CNTN6: variants seen among roughly 807,000 people sequenced by gnomAD.
CNTN6 encodes the protein contactin 6.
A neutral mutation model predicts 122.8 loss-of-function variants in CNTN6; 137 were observed. The ratio of observed to expected loss-of-function variants is 1.12; its 90% CI spans 0.97 to 1.29. The LOEUF is 1.29. Among genes scored for constraint, CNTN6 ranks in the 50% most tolerant of loss-of-function variants. The probability of loss-of-function intolerance (pLI) is 0.00; values close to 1 mark genes in which losing one functional copy is unlikely to be tolerated. For synonymous variants in CNTN6, 570 were observed against 426.0 expected (o/e 1.34, Z -4.16); for missense variants, 1,634 against 1,223.4 (o/e 1.34, Z -5.01).
chr3:1,281,294 A>G (rs9815996), intron 5 of CNTN6, among the ~76,000 whole-genome samples: 1 of 152,044 alleles, frequency 6.6e-6, no homozygotes. Context: ...TCTCACAGAG[A>G]AACGTCCTAG....
intron 8 of CNTN6, 77 bp downstream of exon 8, chr3:1,321,911 T>C: frequency 7.7e-7 from 1 of 1,291,936 alleles, no homozygotes; most frequent in Non-Finnish European, 1.1e-6. Flanking sequence ...GTCATTAGCA[T>C]GTTGTGAAAA....
intron 1 of CNTN6, among the ~76,000 whole-genome samples, chr3:1,121,429 T>G (rs1390117189): frequency 6.6e-6 from 1 of 151,960 alleles, no homozygotes; most frequent in Non-Finnish European, 1.5e-5. Flanking sequence ...TTGAGTAGTT[T>G]GCCATATTAA....
intron 4 of CNTN6, among the ~76,000 whole-genome samples, chr3:1,244,351 G>A (rs1468259900): frequency 6.6e-6 from 1 of 151,632 alleles, no homozygotes; most frequent in Non-Finnish European, 1.5e-5. Context: ...ACTTGCCGCT[G>A]AGGGTGAAGG....
At chr3:1,146,535 C>T (rs530035538) in intron 1 of CNTN6, among the ~76,000 whole-genome samples, 2 of 151,900 alleles carry the variant, frequency 1.3e-5, no homozygotes, top group South Asian at 4.2e-4. Flanking sequence ...CTATAAATCT[C>T]ATACATATTA....
intron 2 of CNTN6, among the ~76,000 whole-genome samples, chr3:1,149,885 G>A (rs7647362): frequency 0.18 from 27,582 of 151,932 alleles, 3,151 homozygotes; most frequent in African/African-American, 0.32. Flanking sequence ...AAATTAAAAT[G>A]AATTATTAGT....
At chr3:1,258,486 T>C (rs1473009373) in intron 4 of CNTN6, among the ~76,000 whole-genome samples, 2 of 152,148 alleles carry the variant, frequency 1.3e-5, no homozygotes, top group Non-Finnish European at 2.9e-5. Context: ...GAAATCTTGC[T>C]TCATACGAGT....
At chr3:1,376,983 C>T (rs1426386490) in intron 16 of CNTN6, 22 bp from the exon 17 acceptor site, 1 of 1,542,938 alleles carries the variant, frequency 6.5e-7, no homozygotes, top group Admixed American at 1.9e-5. Flanking sequence ...TGCCATCCCA[C>T]ATTTCTCTTG....
At chr3:1,230,170 C>T (rs367888646) in intron 4 of CNTN6, among the ~76,000 whole-genome samples, 160 of 152,216 alleles carry the variant, frequency 1.1e-3, no homozygotes, top group African/African-American at 3.7e-3. Flanking sequence ...TAGAAAAGGC[C>T]TTTGGTAGGA....
At chr3:1,375,766 G>A (rs1709767927) in intron 16 of CNTN6, among the ~76,000 whole-genome samples, 1 of 151,992 alleles carries the variant, frequency 6.6e-6, no homozygotes, top group East Asian at 1.9e-4. Context: ...GAAGCTTAAA[G>A]CTGACAAAGT....
In CNTN6 at chr3:1,156,691, CCCTT is replaced by C. The variant is rs201497692; in HGVS notation, c.55+8646_55+8649del. Among the ~76,000 whole-genome samples, 45 of 56,626 alleles carry C rather than the reference CCCTT, an allele frequency of 7.9e-4. 1 individual carries two copies. The highest frequency in any genetic ancestry group is 0.018 in the Middle Eastern group (2 of 110). 37.1% of individuals were successfully genotyped at this position (56,626 alleles called of 152,430 possible). The stretch of plus-strand genomic sequence containing the variant: ...CCTTCCTTCCTTCCTTTCCCTCCCT[CCCTT>C]CCTTCCTTCCTTCCTTCTTCTTTCT... On this transcript the variant is annotated intron_variant, in intron 2 of 22. Transcript: ENST00000446702.
intron 20 of CNTN6, among the ~76,000 whole-genome samples, chr3:1,392,017 G>A (rs9861491): frequency 0.01 from 1,560 of 152,210 alleles, 18 homozygotes; most frequent in African/African-American, 0.036. Flanking sequence ...TCCCCACCAA[G>A]CCACCAATGA....
chr3:1,201,403 T>C (rs1362332893), intron 2 of CNTN6, among the ~76,000 whole-genome samples: 2 of 152,182 alleles, frequency 1.3e-5, no homozygotes, highest in South Asian at 2.1e-4. Flanking sequence ...AGCTTTTTTT[T>C]CTCATGGAGT....
intron 20 of CNTN6, among the ~76,000 whole-genome samples, chr3:1,400,761 A>C (rs1695580629): frequency 6.6e-6 from 1 of 152,098 alleles, no homozygotes; most frequent in Non-Finnish European, 1.5e-5. Flanking sequence ...TGTGGTGAAC[A>C]GTCATGATTT....
chr3:1,135,764 G>A lies in CNTN6; in HGVS notation c.-82-12163G>A, dbSNP rs117459955. Among the ~76,000 whole-genome samples the A allele has an allele frequency of 4.4e-3, 664 of 152,254 alleles. 28 individuals carry two copies. In the East Asian group the frequency reaches 0.071, roughly 16 times the overall value. On this transcript the variant is annotated intron_variant, in intron 1 of 22. Coordinates refer to ENST00000446702, the MANE Select transcript of CNTN6 (RefSeq NM_001289080.2). ...CCCAGCATTTTGGGAGGCCGCAGGC[G>A]AGTGGATCACCTGAGGTCAGTAGTT...
chr3:1,158,863 C>CATACATATATAT (rs2093048815), intron 2 of CNTN6, among the ~76,000 whole-genome samples: 2 of 29,688 alleles, frequency 6.7e-5, no homozygotes, highest in Non-Finnish European at 2.1e-4. Flanking sequence ...CATATATATA[C>CATACATATATAT]ACACATATAT....
chr3:1,353,740 TAAG>T (rs536728356), intron 12 of CNTN6, among the ~76,000 whole-genome samples: 293 of 151,686 alleles, frequency 1.9e-3, no homozygotes, highest in African/African-American at 6.8e-3. Context: ...CATTTCAAAT[TAAG>T]AAGGTGTAGG....
At chr3:1,230,268 T>G (rs1172405082) in intron 4 of CNTN6, among the ~76,000 whole-genome samples, 1 of 152,132 alleles carries the variant, frequency 6.6e-6, no homozygotes, top group African/African-American at 2.4e-5. Flanking sequence ...GGTATGAAAT[T>G]AGGTCTTTTC....
At chr3:1,352,852 C>G (rs1359748866) in intron 12 of CNTN6, among the ~76,000 whole-genome samples, 2 of 151,622 alleles carry the variant, frequency 1.3e-5, no homozygotes, top group Non-Finnish European at 3.0e-5. Flanking sequence ...AAATACATAA[C>G]TGGCTAATTT....
chr3:1,276,336 G>C (rs75469127), intron 4 of CNTN6, among the ~76,000 whole-genome samples: 2 of 152,094 alleles, frequency 1.3e-5, no homozygotes, highest in African/African-American at 4.8e-5. Flanking sequence ...AGAATGTTCC[G>C]AGTCAAACCA....
Sources: allele counts gnomAD v4.1 joint callset (sites outside exome capture counted in the v4.1 genomes callset), GRCh38; gene constraint gnomAD v4.1.1; transcripts MANE v1.5; gene names NCBI Gene and HGNC (gene_info 2026-07-23, HGNC 2026-07-21).